The following PAX2 variants were observed in gnomAD, a reference collection of about 807,000 sequenced individuals.
The protein encoded by PAX2 is paired box protein Pax-2.
Under a neutral mutation model 41.7 loss-of-function variants are expected in PAX2, and 9 were observed. The ratio of observed to expected loss-of-function variants is 0.22; its 90% CI spans 0.13 to 0.38. The LOEUF is 0.38. Ranked by LOEUF, PAX2 falls within the 10% of genes least tolerant of loss-of-function variation. The probability of loss-of-function intolerance (pLI) is 1.00; values close to 1 mark genes in which losing one functional copy is unlikely to be tolerated. For missense variants in PAX2, 418 were observed against 531.6 expected (o/e 0.79, Z 2.10); for synonymous variants, 221 against 212.7 (o/e 1.04, Z -0.34).
chr10:100,759,572 C>T (rs979026674), intron 3 of PAX2, among the ~76,000 whole-genome samples: 2 of 152,202 alleles, frequency 1.3e-5, no homozygotes. Context: ...CTGTGGACTT[C>T]CTCCTCTGCC....
chr10:100,824,025 C>T lies in PAX2; in HGVS notation c.920-623C>T, dbSNP rs563034031. Among the ~76,000 whole-genome samples the T allele has an allele frequency of 2.0e-5, 3 of 152,250 alleles. No individual in the cohort carries two copies. The highest frequency in any genetic ancestry group is 7.2e-5 in the African/African-American group (3 of 41,520). ...GATTCACTTCAGGGTGGTTTTCTAT[C>T]ATGTAAATGCCATAAACACTAACAG... On this transcript the variant is annotated intron_variant, in intron 7 of 9. Transcript: ENST00000355243. This position sits in a 1 kb window ranked among gnomAD's most constrained non-coding sequence, Gnocchi z 6.6.
exon 1 of PAX2, among the ~76,000 whole-genome samples, chr10:100,735,425 C>T (rs1252270830): frequency 6.6e-6 from 1 of 152,226 alleles, no homozygotes; most frequent in Non-Finnish European, 1.5e-5. Flanking sequence ...TTGCCTGCGG[C>T]TGGCTGGGGC....
chr10:100,742,240 C>A (rs186382165), upstream of PAX2, among the ~76,000 whole-genome samples: 103 of 152,340 alleles, frequency 6.8e-4, no homozygotes, highest in East Asian at 0.014. Flanking sequence ...GGGCAGTGGA[C>A]TAGGTCTACA....
chr10:100,828,729 C>T lies in PAX2; in HGVS notation c.*1110C>T. On this transcript the variant is annotated 3_prime_UTR_variant, in exon 10 of 10. Transcript: ENST00000355243. This position sits in a 1 kb window ranked among gnomAD's most constrained non-coding sequence, Gnocchi z 6.5. ...GAAGTGGGGGGCTGCCCACTCCACT[C>T]CTCCCATCCCCTCCCAGCCTCCTCC... The T allele has an allele frequency of 4.3e-6, 1 of 233,614 alleles. No homozygotes were observed. The highest frequency in any genetic ancestry group is 6.0e-5 in the East Asian group (1 of 16,586). The allele number at this position is 233,614 out of a possible 1,614,324, so 14.5% of individuals were successfully genotyped here.
chr10:100,743,159 C>A (rs921472293), upstream of PAX2, among the ~76,000 whole-genome samples: 1 of 152,030 alleles, frequency 6.6e-6, no homozygotes, highest in African/African-American at 2.4e-5. Context: ...GCTGGGGAGA[C>A]GATCCCAGGA....
chr10:100,753,964 C>A (rs1845541248), intron 3 of PAX2, among the ~76,000 whole-genome samples: 2 of 152,158 alleles, frequency 1.3e-5, no homozygotes, highest in South Asian at 4.2e-4. Flanking sequence ...GGCTCCTTAG[C>A]ATGTGGAATT....
chr10:100,741,328 A>G (rs1844944210), upstream of PAX2, among the ~76,000 whole-genome samples: 2 of 151,846 alleles, frequency 1.3e-5, no homozygotes, highest in South Asian at 4.2e-4. Context: ...TGAAAAAAAA[A>G]AGAAAGTAGC....
chr10:100,739,257 C>T (rs986105579), intron 1 of PAX2, among the ~76,000 whole-genome samples: 2 of 152,204 alleles, frequency 1.3e-5, no homozygotes, highest in East Asian at 3.9e-4. Flanking sequence ...CCCTGGTCCC[C>T]TCTCCCCTGC....
At chr10:100,772,516 T>C (rs1335299438) in intron 3 of PAX2, among the ~76,000 whole-genome samples, 1 of 152,238 alleles carries the variant, frequency 6.6e-6, no homozygotes, top group African/African-American at 2.4e-5. Context: ...CTGAGACCAC[T>C]GGCAGAGGCC....
rs533555269 is a variant in PAX2 at position 100,819,170 on chromosome 10, C to T, written c.920-5478C>T. ...GGCTGAGGCAGGAGAATCACTTGAA[C>T]CTGGGAGGCAGAGGTTGCAGTGAGT... On this transcript the variant is annotated intron_variant, in intron 7 of 9. Transcript: ENST00000355243. Among the ~76,000 whole-genome samples the T allele has an allele frequency of 2.6e-5, 4 of 151,846 alleles. No individual in the cohort carries two copies. The South Asian group carries it at 6.3e-4, about 24-fold the overall frequency.
intron 3 of PAX2, among the ~76,000 whole-genome samples, chr10:100,756,376 G>A (rs1845631100): frequency 6.6e-6 from 1 of 152,198 alleles, no homozygotes; most frequent in Non-Finnish European, 1.5e-5. Context: ...TGTCTACCTG[G>A]AATTGGAGTT....
chr10:100,793,670 G>T (rs906281327), intron 5 of PAX2, among the ~76,000 whole-genome samples: 1 of 152,188 alleles, frequency 6.6e-6, no homozygotes, highest in Non-Finnish European at 1.5e-5. Context: ...AAATGCCAGG[G>T]CCCTAAGGGG....
intron 3 of PAX2, among the ~76,000 whole-genome samples, chr10:100,772,084 C>A (rs7900750): frequency 0.019 from 2,901 of 151,922 alleles, 90 homozygotes; most frequent in African/African-American, 0.062. Flanking sequence ...TGATTACAGG[C>A]GTGAGCCACT....
intron 3 of PAX2, among the ~76,000 whole-genome samples, chr10:100,770,866 G>C (rs2133876958): frequency 6.6e-6 from 1 of 152,334 alleles, no homozygotes; most frequent in South Asian, 2.1e-4. Context: ...TAGATGGAGA[G>C]AAATGTGGAT....
chr10:100,769,952 G>A (rs900078165), intron 3 of PAX2, among the ~76,000 whole-genome samples: 2 of 152,150 alleles, frequency 1.3e-5, no homozygotes, highest in African/African-American at 4.8e-5. Flanking sequence ...TGGAAAGCTA[G>A]GATAGAGCCA....
At chr10:100,740,664 G>A (rs1844921252), upstream of PAX2, among the ~76,000 whole-genome samples, 1 of 152,230 alleles carries the variant, frequency 6.6e-6, no homozygotes, top group Non-Finnish European at 1.5e-5. Context: ...GACAAGACAG[G>A]CGTAATTATC....
Position 100,748,629 on chromosome 10 carries a change from G to A in PAX2, c.44-1117G>A, listed in dbSNP as rs186299278. ...CTGGGTGCAGGATTTCTAGACTGCT[G>A]TAGGCCAGGGAGAATGGGGCACAGG... On this transcript the variant is annotated intron_variant, in intron 1 of 9. Transcript: ENST00000355243. The surrounding 1 kb of genome is among the most constrained non-coding windows in gnomAD (Gnocchi z 5.0). 46 of 985,438 alleles carry A rather than the reference G, an allele frequency of 4.7e-5. No homozygotes were observed. The highest frequency in any genetic ancestry group is 4.1e-5 in the Non-Finnish European group (34 of 829,912). 61.0% of individuals were successfully genotyped at this position (985,438 alleles called of 1,614,324 possible). A position where few individuals can be genotyped will look rare whatever the true frequency, so the allele number is the denominator to read the frequency against.
rs1263641466 is a variant in PAX2 at position 100,821,376 on chromosome 10, C to T, written c.920-3272C>T. 4.6e-5 allele frequency among the ~76,000 whole-genome samples: 7 copies of T among 152,178 alleles called. No individual in the cohort carries two copies. The East Asian group carries it at 7.7e-4, about 17-fold the overall frequency. ...GTGGAGATACTGGTGTTATAGACTC[C>T]GCAGCAGCAGGTGCACAGCTGTATG... is the stretch of plus-strand genomic sequence containing the variant. On this transcript the variant is annotated intron_variant, in intron 7 of 9. Transcript: ENST00000355243.
rs542219151 is a variant in PAX2 at position 100,750,558 on chromosome 10, C to T, written c.213-136C>T. ...GCCAGGCACCCTCAGGAAGTCAGCTCAGCCACACTGGGCCTTTTCCCTCCA... is the reference window on the plus strand; with the variant it reads ...GCCAGGCACCCTCAGGAAGTCAGCTTAGCCACACTGGGCCTTTTCCCTCCA... On this transcript the variant is annotated intron_variant, in intron 2 of 9. Coordinates refer to ENST00000355243, the MANE Select transcript of PAX2 (RefSeq NM_000278.5). This position sits in a 1 kb window ranked among gnomAD's most constrained non-coding sequence, Gnocchi z 4.1. 5 of 747,990 alleles carry T rather than the reference C, an allele frequency of 6.7e-6. No homozygotes were observed. The highest frequency in any genetic ancestry group is 1.1e-5 in the Non-Finnish European group (5 of 448,526). The allele number at this position is 747,990 out of a possible 1,614,324, so 46.3% of individuals were successfully genotyped here.
Sources: gnomAD v4.1 joint callset for allele counts (sites outside exome capture counted in the v4.1 genomes callset) on GRCh38, gnomAD v4.1.1 for gene constraint, Gnocchi (gnomAD v3.1) non-coding constraint, MANE v1.5 for transcripts, NCBI Gene and HGNC (gene_info 2026-07-23, HGNC 2026-07-21) for gene names.